The following STMN3 variants were observed in gnomAD, a reference collection of about 807,000 sequenced individuals.
STMN3 encodes stathmin-3.
In STMN3, 24 loss-of-function variants were observed where a neutral mutation model predicts 23.2. The observed-to-expected ratio is 1.03, with a 90% CI of 0.75 to 1.45. The LOEUF is 1.45. Ranked by LOEUF, STMN3 falls within the 40% of genes most tolerant of loss-of-function variation. STMN3 has a pLI of 0.00. For missense variants in STMN3, 235 were observed against 237.6 expected (o/e 0.99, Z 0.07); for synonymous variants, 117 against 103.4 (o/e 1.13, Z -0.80).
intron 4 of STMN3, 63 bp from the exon 5 acceptor site, chr20:63,641,460 C>G (rs1459787149): frequency 1.4e-6 from 2 of 1,434,978 alleles, no homozygotes; most frequent in African/African-American, 1.4e-5. Context: ...CCGGGAACCC[C>G]CAGGCGCGCA....
At chr20:63,647,767 TATATACAC>T (rs2089823865) in intron 1 of STMN3, among the ~76,000 whole-genome samples, 1 of 126,994 alleles carries the variant, frequency 7.9e-6, no homozygotes, top group Non-Finnish European at 1.7e-5. Flanking sequence ...TATATATACA[TATATACAC>T]GTGTATATAT....
intron 1 of STMN3, among the ~76,000 whole-genome samples, chr20:63,650,294 C>G (rs2089847650): frequency 6.6e-6 from 1 of 152,160 alleles, no homozygotes; most frequent in Non-Finnish European, 1.5e-5. Context: ...CTCCCTGCTT[C>G]TCTTTGTACT....
intron 1 of STMN3, 28 bp from the exon 2 acceptor site, chr20:63,644,337 G>C: frequency 6.3e-7 from 1 of 1,580,784 alleles, no homozygotes; most frequent in South Asian, 1.1e-5. Flanking sequence ...GGCTGAGCAA[G>C]CACCACTGGG....
intron 1 of STMN3, among the ~76,000 whole-genome samples, chr20:63,646,204 A>G (rs1378855097): frequency 6.6e-6 from 1 of 151,984 alleles, no homozygotes; most frequent in Non-Finnish European, 1.5e-5. Flanking sequence ...CAGGGTGGGC[A>G]GGCCCGTGCG....
rs1175155804 is a variant in STMN3 at position 63,652,588 on chromosome 20, G to A, written c.19+739C>T. ...TGGGCGCTACCTTCGAAGGCGGTGG[G>A]TCCGCCCCGCGGGAGGTGGAGGGGC... On this transcript the variant is annotated intron_variant, in intron 1 of 4. Coordinates refer to ENST00000370053, the MANE Select transcript of STMN3 (RefSeq NM_015894.4). The surrounding 1 kb of genome is among the most constrained non-coding windows in gnomAD (Gnocchi z 5.3). 8 of 985,150 alleles carry A rather than the reference G, an allele frequency of 8.1e-6. No homozygotes were observed. The highest frequency in any genetic ancestry group is 1.2e-4 in the Admixed American group (2 of 16,268). 61.0% of individuals were successfully genotyped at this position (985,150 alleles called of 1,614,324 possible). A position where few individuals can be genotyped will look rare whatever the true frequency, so the allele number is the denominator to read the frequency against.
intron 1 of STMN3, among the ~76,000 whole-genome samples, chr20:63,645,912 C>T (rs2089805489): frequency 6.6e-6 from 1 of 152,064 alleles, no homozygotes; most frequent in African/African-American, 2.4e-5. Flanking sequence ...GAGGTCGCGC[C>T]ATCGCACTCC....
At position 63,640,876 on chromosome 20, in the gene STMN3, C is replaced by T. The variant is rs2089754798; in HGVS notation, c.*462G>A. 1 of 252,546 alleles carries T rather than the reference C, an allele frequency of 4.0e-6. No homozygotes were observed. 15.6% of individuals were successfully genotyped at this position (252,546 alleles called of 1,614,324 possible). ...GCTCCCAGGCACCATCACCCCCCTCCCCCGTCGCCCCTCCCTCATGGGGAG... is the reference window on the plus strand; with the variant it reads ...GCTCCCAGGCACCATCACCCCCCTCTCCCGTCGCCCCTCCCTCATGGGGAG... On this transcript the variant is annotated 3_prime_UTR_variant, in exon 5 of 5. Transcript: ENST00000370053.
chr20:63,643,672 G>A (rs892873098), intron 3 of STMN3, 84 bp downstream of exon 3: 89 of 1,450,168 alleles, frequency 6.1e-5, no homozygotes, highest in Admixed American at 1.1e-4. Flanking sequence ...GCCTGTCCGG[G>A]AGCACCCTGC....
At chr20:63,641,495 C>T (rs2089761887) in intron 4 of STMN3, 98 bp from the exon 5 acceptor site, 1 of 963,336 alleles carries the variant, frequency 1.0e-6, no homozygotes, top group Non-Finnish European at 1.6e-6. Context: ...GGCACCCGCC[C>T]GGCCTCATCC....
intron 4 of STMN3, among the ~76,000 whole-genome samples, chr20:63,641,610 G>A (rs2089762822): frequency 6.6e-6 from 1 of 152,188 alleles, no homozygotes. Context: ...GAGCTGGCTG[G>A]GCCCCGCTTC....
intron 2 of STMN3, 100 bp from the exon 3 acceptor site, chr20:63,644,031 G>T: frequency 6.7e-7 from 1 of 1,498,868 alleles, no homozygotes; most frequent in Admixed American, 2.1e-5. Context: ...AGGGCTGGGC[G>T]AGAGGGGGTG....
chr20:63,646,943 AG>A (rs899028234), intron 1 of STMN3, among the ~76,000 whole-genome samples: 21 of 151,874 alleles, frequency 1.4e-4, no homozygotes, highest in African/African-American at 5.1e-4. Flanking sequence ...TAGTAGAGAC[AG>A]GGTTTCACTA....
At chr20:63,642,419 C>CACCG in intron 3 of STMN3, 120 bp from the exon 4 acceptor site, 3 of 510,402 alleles carry the variant, frequency 5.9e-6, no homozygotes, top group Non-Finnish European at 9.0e-6. Flanking sequence ...TCCACCTGCC[C>CACCG]AGGCCTCGGT....
intron 1 of STMN3, among the ~76,000 whole-genome samples, chr20:63,649,250 G>A (rs2089839681): frequency 1.3e-5 from 2 of 152,286 alleles, no homozygotes; most frequent in South Asian, 4.1e-4. Flanking sequence ...CTACAGGGAG[G>A]AAGGGCAGAT....
At chr20:63,648,080 C>A (rs1423627758) in intron 1 of STMN3, among the ~76,000 whole-genome samples, 1 of 148,660 alleles carries the variant, frequency 6.7e-6, no homozygotes, top group Non-Finnish European at 1.5e-5. Flanking sequence ...CCACCTCAGC[C>A]TCCCAAAGCA....
In STMN3 at chr20:63,652,567, C is replaced by A. The variant is rs1441855036; in HGVS notation, c.19+760G>T. On this transcript the variant is annotated intron_variant, in intron 1 of 4. Coordinates refer to ENST00000370053, the MANE Select transcript of STMN3 (RefSeq NM_015894.4). This position sits in a 1 kb window ranked among gnomAD's most constrained non-coding sequence, Gnocchi z 5.3. The stretch of plus-strand genomic sequence containing the variant: ...GGACGGGCCGGGAGGCCGGGGTGGG[C>A]GCTACCTTCGAAGGCGGTGGGTCCG... The A allele has an allele frequency of 1.0e-6, 1 of 984,876 alleles. No homozygotes were observed. The highest frequency in any genetic ancestry group is 1.7e-5 in the African/African-American group (1 of 57,196). 61.0% of individuals were successfully genotyped at this position (984,876 alleles called of 1,614,324 possible).
chr20:63,651,693 C>G (rs1226550157), intron 1 of STMN3, among the ~76,000 whole-genome samples: 1 of 152,246 alleles, frequency 6.6e-6, no homozygotes, highest in Non-Finnish European at 1.5e-5. Flanking sequence ...AGAACAAGCC[C>G]CAGGAGAGGT....
chr20:63,642,475 A>C (rs1428564913), intron 3 of STMN3, among the ~76,000 whole-genome samples, 176 bp from the exon 4 acceptor site: 1 of 151,132 alleles, frequency 6.6e-6, no homozygotes, highest in African/African-American at 2.4e-5. Flanking sequence ...CTCGCCTGCC[A>C]TCCGGCCTGT....
At chr20:63,645,987 AAGG>A (rs2089806063) in intron 1 of STMN3, among the ~76,000 whole-genome samples, 1 of 152,016 alleles carries the variant, frequency 6.6e-6, no homozygotes, top group African/African-American at 2.4e-5. Flanking sequence ...GGAAGAAAGG[AAGG>A]AGGGAGGGAG....
Sources: gnomAD v4.1 joint callset for allele counts (sites outside exome capture counted in the v4.1 genomes callset) on GRCh38, gnomAD v4.1.1 for gene constraint, Gnocchi (gnomAD v3.1) non-coding constraint, MANE v1.5 for transcripts, NCBI Gene and HGNC (gene_info 2026-07-23, HGNC 2026-07-21) for gene names.